The following GRIA1 variants were observed in gnomAD, a reference collection of about 807,000 sequenced individuals.
GRIA1 encodes glutamate ionotropic receptor AMPA type subunit 1.
In GRIA1, 31 loss-of-function variants were observed where a neutral mutation model predicts 99.2. The observed-to-expected ratio is 0.31, with a 90% CI of 0.23 to 0.42. GRIA1 has a LOEUF of 0.42. Among genes scored for constraint, GRIA1 ranks in the 10% least tolerant of loss-of-function variants. The pLI, the probability that GRIA1 is intolerant of heterozygous loss-of-function variation, is 1.00. For synonymous variants in GRIA1, 438 were observed against 432.4 expected, an observed-to-expected ratio of 1.01 and a Z score of -0.16; for missense variants, 782 against 1,157.5, an observed-to-expected ratio of 0.68 and a Z score of 4.71.
chr5:153,627,525 A>G (rs566465833), intron 2 of GRIA1, among the ~76,000 whole-genome samples: 5 of 152,260 alleles, frequency 3.3e-5, no homozygotes, highest in Admixed American at 6.5e-5. Context: ...TTTCAGAGGA[A>G]TCAGTCTTTC....
At chr5:153,716,456 G>T (rs1489319316) in intron 11 of GRIA1, among the ~76,000 whole-genome samples, 2 of 152,000 alleles carry the variant, frequency 1.3e-5, no homozygotes, top group South Asian at 2.1e-4. Context: ...CCTAACTCTG[G>T]TTTTTTTAAT....
intron 2 of GRIA1, among the ~76,000 whole-genome samples, chr5:153,519,161 G>T (rs1196050238): frequency 1.3e-5 from 2 of 152,072 alleles, no homozygotes; most frequent in Non-Finnish European, 2.9e-5. Flanking sequence ...TCCTCAGGAG[G>T]CTGAGGCAGG....
intron 11 of GRIA1, among the ~76,000 whole-genome samples, chr5:153,711,578 A>T (rs537236611): frequency 3.9e-4 from 59 of 152,314 alleles, no homozygotes; most frequent in African/African-American, 1.3e-3. Context: ...CACATGAGGA[A>T]ACTGAGGCCA....
At chr5:153,810,392 T>C (rs910695955) in intron 15 of GRIA1, among the ~76,000 whole-genome samples, 2 of 152,206 alleles carry the variant, frequency 1.3e-5, no homozygotes, top group Non-Finnish European at 2.9e-5. Context: ...CCTTAACACA[T>C]GCCGCTATAG....
intron 2 of GRIA1, among the ~76,000 whole-genome samples, chr5:153,521,809 A>G (rs1049640978): frequency 6.6e-6 from 1 of 152,246 alleles, no homozygotes; most frequent in African/African-American, 2.4e-5. Flanking sequence ...CAAAGATATT[A>G]TAGCACACCC....
chr5:153,515,815 T>C (rs1377312645), intron 2 of GRIA1, among the ~76,000 whole-genome samples: 1 of 152,222 alleles, frequency 6.6e-6, no homozygotes, highest in Non-Finnish European at 1.5e-5. Flanking sequence ...CTAGGGTAGA[T>C]GTCTTTTTTA....
At chr5:153,495,220 C>A (rs1472364155) in intron 2 of GRIA1, among the ~76,000 whole-genome samples, 5 of 152,176 alleles carry the variant, frequency 3.3e-5, no homozygotes, top group Admixed American at 2.6e-4. Flanking sequence ...ACTTTATAGT[C>A]ATTTATAGTC....
chr5:153,498,497 A>G (rs1754655993), intron 2 of GRIA1, among the ~76,000 whole-genome samples: 1 of 152,158 alleles, frequency 6.6e-6, no homozygotes, highest in Non-Finnish European at 1.5e-5. Flanking sequence ...CAGAGCCTCA[A>G]TGACAATAGG....
At chr5:153,722,402 G>T (rs78050175) in intron 11 of GRIA1, among the ~76,000 whole-genome samples, 1 of 152,040 alleles carries the variant, frequency 6.6e-6, no homozygotes, top group Non-Finnish European at 1.5e-5. Flanking sequence ...CTACCTCAAA[G>T]TCATAAAGAT....
intron 5 of GRIA1, among the ~76,000 whole-genome samples, chr5:153,661,500 C>T (rs1755367707): frequency 6.6e-6 from 1 of 152,142 alleles, no homozygotes; most frequent in Non-Finnish European, 1.5e-5. Flanking sequence ...TATTTTTTCA[C>T]TTACTATACT....
At chr5:153,578,162 AAAAAAAAAAAAG>A (rs1484147414) in intron 2 of GRIA1, among the ~76,000 whole-genome samples, 3 of 147,496 alleles carry the variant, frequency 2.0e-5, no homozygotes, top group Non-Finnish European at 4.5e-5. Context: ...AAAAAAAAAA[AAAAAAAAAAAAG>A]AAAGAAAGAA....
chr5:153,795,764 T>C (rs1204417644), intron 14 of GRIA1, among the ~76,000 whole-genome samples: 2 of 152,088 alleles, frequency 1.3e-5, no homozygotes, highest in African/African-American at 4.8e-5. Context: ...CACGCCAGTG[T>C]TTCCCAACCC....
At chr5:153,746,718 G>A (rs1458710095) in intron 11 of GRIA1, among the ~76,000 whole-genome samples, 3 of 152,130 alleles carry the variant, frequency 2.0e-5, no homozygotes, top group Non-Finnish European at 2.9e-5. Flanking sequence ...TGGGCCGTCC[G>A]GCAGGCAGCT....
intron 2 of GRIA1, among the ~76,000 whole-genome samples, chr5:153,587,422 T>C (rs1327116442): frequency 1.3e-5 from 2 of 152,098 alleles, no homozygotes; most frequent in Non-Finnish European, 2.9e-5. Context: ...TTAAATAAAT[T>C]ATCCAGTCTC....
intron 11 of GRIA1, among the ~76,000 whole-genome samples, chr5:153,745,782 C>CACTT (rs1268061366): frequency 2.6e-5 from 4 of 152,094 alleles, no homozygotes; most frequent in Non-Finnish European, 5.9e-5. Flanking sequence ...TACTTCCAGA[C>CACTT]ACTTATCTCT....
intron 7 of GRIA1, among the ~76,000 whole-genome samples, chr5:153,682,356 A>G (rs1478107098): frequency 6.6e-6 from 1 of 152,158 alleles, no homozygotes; most frequent in Non-Finnish European, 1.5e-5. Context: ...GGCAGGGGAG[A>G]GCAGTCACTG....
intron 11 of GRIA1, among the ~76,000 whole-genome samples, chr5:153,759,225 C>T (rs186183205): frequency 6.7e-6 from 1 of 148,414 alleles, no homozygotes. Context: ...TCATAAAGAC[C>T]AGAACAGAAA....
At chr5:153,631,471 C>T (rs1265657349) in intron 2 of GRIA1, among the ~76,000 whole-genome samples, 1 of 152,126 alleles carries the variant, frequency 6.6e-6, no homozygotes, top group East Asian at 1.9e-4. Context: ...ATGATGTGAA[C>T]TAGTGAAATA....
At chr5:153,508,692 A>C (rs1337613151) in intron 2 of GRIA1, among the ~76,000 whole-genome samples, 1 of 152,224 alleles carries the variant, frequency 6.6e-6, no homozygotes, top group Non-Finnish European at 1.5e-5. Context: ...AGGAAGGAGA[A>C]GTGATAAATT....
Sources: allele counts gnomAD v4.1 joint callset (sites outside exome capture counted in the v4.1 genomes callset), GRCh38; gene constraint gnomAD v4.1.1; transcripts MANE v1.5; gene names NCBI Gene and HGNC (gene_info 2026-07-23, HGNC 2026-07-21).